Variants in SLC36A1 observed in about 807,000 individuals in gnomAD.
SLC36A1 encodes the protein solute carrier family 36 member 1.
SLC36A1 carries 30 observed loss-of-function variants against 47.5 expected under a neutral mutation model. That is an observed-to-expected ratio of 0.63 (90% CI 0.47 to 0.86). The LOEUF is 0.86. Among genes scored for constraint, SLC36A1 ranks in the 40% least tolerant of loss-of-function variants. SLC36A1 has a pLI of 0.00. For missense variants in SLC36A1, 517 were observed against 606.0 expected (o/e 0.85, Z 1.54); for synonymous variants, 255 against 249.7 (o/e 1.02, Z -0.20).
At chr5:151,370,803 G>A in the SLC36A1 span, among the ~76,000 whole-genome samples, 1 of 152,068 alleles carries the variant, frequency 6.6e-6, no homozygotes, top group Admixed American at 6.6e-5. Flanking sequence ...GACCAGCCTG[G>A]CCAACATGGT....
At chr5:151,430,607 A>C in the SLC36A1 span, among the ~76,000 whole-genome samples, 1 of 152,152 alleles carries the variant, frequency 6.6e-6, no homozygotes, top group South Asian at 2.1e-4. Context: ...TACAGGCATG[A>C]GCCACCGTGC....
At chr5:151,440,942 A>C (rs1213350456) in intron 1 of SLC36A1, among the ~76,000 whole-genome samples, 3 of 152,228 alleles carry the variant, frequency 2.0e-5, no homozygotes, top group African/African-American at 7.2e-5. Context: ...CTTGTCCTTT[A>C]GGGCAGTGGT....
chr5:151,462,582 C>A (rs1037738766), intron 2 of SLC36A1, among the ~76,000 whole-genome samples: 11 of 151,874 alleles, frequency 7.2e-5, no homozygotes, highest in African/African-American at 2.7e-4. Context: ...CCAGGATAGT[C>A]TCAATCTCTT....
the SLC36A1 span, among the ~76,000 whole-genome samples, chr5:151,416,632 C>T: frequency 1.3e-5 from 2 of 148,934 alleles, no homozygotes. Flanking sequence ...GAAAACAAAA[C>T]AGCTCTGTTG....
intron 10 of SLC36A1, among the ~76,000 whole-genome samples, chr5:151,484,092 T>C (rs1391073408): frequency 1.3e-5 from 2 of 152,214 alleles, no homozygotes; most frequent in Non-Finnish European, 2.9e-5. Context: ...ATCCCAATCT[T>C]CTGTTTCTGT....
At chr5:151,526,960 A>G in the SLC36A1 span, among the ~76,000 whole-genome samples, 8 of 152,368 alleles carry the variant, frequency 5.3e-5, no homozygotes, top group Admixed American at 5.2e-4. Context: ...GCATGTTTTC[A>G]TACCTCAATC....
chr5:151,480,562 G>T (rs1758663874), intron 10 of SLC36A1, among the ~76,000 whole-genome samples: 1 of 152,202 alleles, frequency 6.6e-6, no homozygotes. Flanking sequence ...CCAGGGGCCA[G>T]GGCTGTTGAA....
the SLC36A1 span, among the ~76,000 whole-genome samples, chr5:151,516,129 A>G: frequency 3.9e-5 from 6 of 152,170 alleles, no homozygotes; most frequent in Non-Finnish European, 8.8e-5. Flanking sequence ...CCAGATGTCC[A>G]TAGAGCTAAC....
At chr5:151,521,030 G>A in the SLC36A1 span, among the ~76,000 whole-genome samples, 1 of 152,234 alleles carries the variant, frequency 6.6e-6, no homozygotes, top group African/African-American at 2.4e-5. Context: ...TCTTAGCCAT[G>A]ATGTTAAACC....
downstream of SLC36A1, among the ~76,000 whole-genome samples, chr5:151,493,857 A>G (rs1436957123): frequency 6.6e-6 from 1 of 152,188 alleles, no homozygotes; most frequent in Admixed American, 6.5e-5. Context: ...AAAGTGCCAT[A>G]TGTCATAATC....
chr5:151,537,834 T>C, the SLC36A1 span: 1 of 1,614,102 alleles, frequency 6.2e-7, no homozygotes, highest in East Asian at 2.2e-5. Context: ...CCCAGGGCCA[T>C]GCAGAGAATA....
intron 9 of SLC36A1, 47 bp from the exon 10 acceptor site, chr5:151,479,273 A>G (rs762183086): frequency 6.0e-5 from 96 of 1,596,590 alleles, no homozygotes; most frequent in Non-Finnish European, 8.1e-5. Flanking sequence ...CTGATGATGT[A>G]TAAGTGTGCT....
chr5:151,543,857 C>G, the SLC36A1 span: 1 of 1,614,174 alleles, frequency 6.2e-7, no homozygotes, highest in South Asian at 1.1e-5. Flanking sequence ...AAGTGCCTGT[C>G]CTGATTGCCA....
chr5:151,517,590 A>G, the SLC36A1 span: 3 of 1,612,816 alleles, frequency 1.9e-6, no homozygotes, highest in East Asian at 2.2e-5. Context: ...GGACACCCAC[A>G]TGAAATCTCT....
chr5:151,525,903 C>T, the SLC36A1 span: 2 of 1,614,200 alleles, frequency 1.2e-6, no homozygotes, highest in Non-Finnish European at 1.7e-6. Context: ...GGGGGCCATT[C>T]TCTGGAGAAT....
At chr5:151,525,908 G>A in the SLC36A1 span, 2 of 1,614,182 alleles carry the variant, frequency 1.2e-6, no homozygotes, top group Non-Finnish European at 8.5e-7. Flanking sequence ...CCATTCTCTG[G>A]AGAATCTGGG....
the SLC36A1 span, chr5:151,553,116 T>A: frequency 6.5e-7 from 1 of 1,529,812 alleles, no homozygotes; most frequent in African/African-American, 1.4e-5. Context: ...GCAGGAAAAC[T>A]AGAGCTGGTG....
the SLC36A1 span, among the ~76,000 whole-genome samples, chr5:151,497,633 A>G: frequency 1.3e-5 from 2 of 152,228 alleles, no homozygotes; most frequent in Non-Finnish European, 2.9e-5. Flanking sequence ...CTCTGGTGCT[A>G]CAGAAAGGCT....
chr5:151,382,963 A>G, the SLC36A1 span, among the ~76,000 whole-genome samples: 75,247 of 152,004 alleles, frequency 0.5, 20,657 homozygotes, highest in African/African-American at 0.75. Context: ...ATCTGAAAAC[A>G]GCATTAAAGC....
Sources: allele counts gnomAD v4.1 joint callset (sites outside exome capture counted in the v4.1 genomes callset), GRCh38; gene constraint gnomAD v4.1.1; transcripts MANE v1.5; gene names NCBI Gene and HGNC (gene_info 2026-07-23, HGNC 2026-07-21).